Variants in EYA2 observed in about 807,000 individuals in gnomAD.
The protein encoded by EYA2 is protein phosphatase EYA2.
A neutral mutation model predicts 69.2 loss-of-function variants in EYA2; 31 were observed. The observed-to-expected ratio is 0.45, with a 90% CI of 0.34 to 0.60. EYA2 has a LOEUF of 0.60. Ranked by LOEUF, EYA2 falls within the 20% of genes least tolerant of loss-of-function variation. The pLI, the probability that EYA2 is intolerant of heterozygous loss-of-function variation, is 0.02. For missense variants in EYA2, 622 were observed against 701.2 expected (o/e 0.89, Z 1.28); for synonymous variants, 257 against 279.4 (o/e 0.92, Z 0.80).
At chr20:46,995,970 A>G (rs1349160120) in intron 2 of EYA2, among the ~76,000 whole-genome samples, 5 of 152,252 alleles carry the variant, frequency 3.3e-5, no homozygotes, top group African/African-American at 1.2e-4. Flanking sequence ...GGTGAAGGAC[A>G]CAAGGTCTCA....
At chr20:47,172,630 C>G in intron 11 of EYA2, 77 bp from the exon 12 acceptor site, 1 of 1,493,716 alleles carries the variant, frequency 6.7e-7, no homozygotes, top group South Asian at 1.3e-5. Context: ...GTGGGTCCCA[C>G]AGAGCCTGTG....
chr20:47,023,429 G>A (rs1983876793), intron 5 of EYA2, among the ~76,000 whole-genome samples: 1 of 151,982 alleles, frequency 6.6e-6, no homozygotes, highest in Admixed American at 6.6e-5. Context: ...GAGACTCTTA[G>A]ATCTGTGGAT....
intron 6 of EYA2, among the ~76,000 whole-genome samples, chr20:47,072,891 G>C (rs1202011634): frequency 9.9e-5 from 15 of 152,104 alleles, no homozygotes; most frequent in Admixed American, 9.8e-4. Context: ...GGGTAGATGG[G>C]CTTTAGGAAT....
intron 1 of EYA2, among the ~76,000 whole-genome samples, chr20:46,943,813 G>A (rs1407528849): frequency 1.3e-5 from 2 of 152,172 alleles, no homozygotes; most frequent in African/African-American, 4.8e-5. Context: ...TGCCTCATTT[G>A]TGCATAATTC....
At chr20:46,934,360 T>C (rs1360612) in intron 1 of EYA2, among the ~76,000 whole-genome samples, 30,127 of 151,556 alleles carry the variant, frequency 0.2, 4,095 homozygotes, top group East Asian at 0.42. Context: ...CCAGCTTCCT[T>C]GTCGTGGTGG....
chr20:47,077,072 C>T (rs1303030162), intron 7 of EYA2, among the ~76,000 whole-genome samples: 1 of 152,164 alleles, frequency 6.6e-6, no homozygotes, highest in African/African-American at 2.4e-5. Context: ...CTCACCTCAA[C>T]CACCAGGGAC....
chr20:46,943,954 T>C lies in EYA2; in HGVS notation c.-10-46047T>C, dbSNP rs565546877. On this transcript the variant is annotated intron_variant, in intron 1 of 15. Coordinates refer to ENST00000327619, the MANE Select transcript of EYA2 (RefSeq NM_005244.5). Reference sequence around the variant, plus strand: ...CCCCCTTTCTTTCTCATTAAAAAGATGCCTTTTCTCTCAAGTGCAAGAAGC... The same window carrying C: ...CCCCCTTTCTTTCTCATTAAAAAGACGCCTTTTCTCTCAAGTGCAAGAAGC... Among the ~76,000 whole-genome samples the C allele has an allele frequency of 2.0e-5, 3 of 152,332 alleles. No individual in the cohort carries two copies. In the South Asian group the frequency reaches 6.2e-4, roughly 32 times the overall value.
chr20:47,167,066 A>G (rs376097316), intron 10 of EYA2: 46 of 154,876 alleles, frequency 3.0e-4, no homozygotes, highest in African/African-American at 1.1e-3. Flanking sequence ...GCAGGTGTGC[A>G]TCGTGTAGGC....
chr20:47,008,474 T>C (rs983059573), intron 4 of EYA2, among the ~76,000 whole-genome samples: 1 of 152,122 alleles, frequency 6.6e-6, no homozygotes, highest in Non-Finnish European at 1.5e-5. Flanking sequence ...CTAACTTTTT[T>C]CCCCTGCTGT....
At chr20:46,905,378 G>A (rs1984303008) in intron 1 of EYA2, among the ~76,000 whole-genome samples, 1 of 152,146 alleles carries the variant, frequency 6.6e-6, no homozygotes, top group Non-Finnish European at 1.5e-5. Context: ...TGGTGGACTG[G>A]AGAGACTCCC....
intron 10 of EYA2, among the ~76,000 whole-genome samples, chr20:47,166,401 A>T (rs1254282369): frequency 0.013 from 1,343 of 107,354 alleles, 67 homozygotes; most frequent in African/African-American, 0.023. Flanking sequence ...TCTAAAAAAA[A>T]AAAAAAAAAA....
chr20:47,109,817 A>G (rs2032698647), intron 9 of EYA2, among the ~76,000 whole-genome samples: 1 of 152,146 alleles, frequency 6.6e-6, no homozygotes. Flanking sequence ...ATGGGATACT[A>G]CTGGCATCTA....
chr20:47,144,154 GAGACCAT>G, intron 10 of EYA2, among the ~76,000 whole-genome samples: 1 of 152,236 alleles, frequency 6.6e-6, no homozygotes, highest in South Asian at 2.1e-4. Flanking sequence ...TCAGGAGATC[GAGACCAT>G]CCTGGCTAAC....
At chr20:47,169,286 G>A in intron 11 of EYA2, 89 bp downstream of exon 11, 1 of 1,330,148 alleles carries the variant, frequency 7.5e-7, no homozygotes, top group East Asian at 2.3e-5. Flanking sequence ...GGGAGAGGAG[G>A]GCTGCTTATA....
At chr20:47,081,542 G>T (rs1455634791) in intron 7 of EYA2, among the ~76,000 whole-genome samples, 4 of 151,982 alleles carry the variant, frequency 2.6e-5, no homozygotes, top group African/African-American at 9.7e-5. Flanking sequence ...ATTTTGGGAG[G>T]CACAGGCACG....
chr20:47,097,426 C>T (rs1443791837), intron 9 of EYA2, among the ~76,000 whole-genome samples: 3 of 152,248 alleles, frequency 2.0e-5, no homozygotes, highest in East Asian at 3.8e-4. Flanking sequence ...ATAGGAAATA[C>T]ACTTGTTGTC....
intron 9 of EYA2, among the ~76,000 whole-genome samples, chr20:47,141,501 G>C (rs1342473969): frequency 2.0e-5 from 3 of 152,216 alleles, no homozygotes; most frequent in Non-Finnish European, 4.4e-5. Flanking sequence ...CCATTGTGCT[G>C]CATATTTTCC....
chr20:47,044,435 A>C (rs2029924783), intron 5 of EYA2, among the ~76,000 whole-genome samples: 1 of 152,170 alleles, frequency 6.6e-6, no homozygotes, highest in Non-Finnish European at 1.5e-5. Context: ...ACAGACAAAA[A>C]TCAATATTTG....
chr20:47,062,741 A>G (rs1326725297), intron 5 of EYA2, among the ~76,000 whole-genome samples: 1 of 152,150 alleles, frequency 6.6e-6, no homozygotes, highest in Admixed American at 6.5e-5. Flanking sequence ...GGTGAATCTC[A>G]GCAGCCTGGT....
Sources: allele counts gnomAD v4.1 joint callset (sites outside exome capture counted in the v4.1 genomes callset), GRCh38; gene constraint gnomAD v4.1.1; transcripts MANE v1.5; gene names NCBI Gene and HGNC (gene_info 2026-07-23, HGNC 2026-07-21).